The following ROR2 variants were observed in gnomAD, a reference collection of about 807,000 sequenced individuals.
ROR2 encodes tyrosine-protein kinase transmembrane receptor ROR2.
Under a neutral mutation model 74.9 loss-of-function variants are expected in ROR2, and 33 were observed. That is an observed-to-expected ratio of 0.44 (90% confidence interval 0.33 to 0.59). ROR2 has a LOEUF of 0.59. Among genes scored for constraint, ROR2 ranks in the 20% least tolerant of loss-of-function variants. The probability of loss-of-function intolerance (pLI) is 0.02; values close to 1 mark genes in which losing one functional copy is unlikely to be tolerated. For missense variants in ROR2, 1,216 were observed against 1,313.8 expected (o/e 0.93, Z 1.15); for synonymous variants, 586 against 558.7 (o/e 1.05, Z -0.69).
intron 2 of ROR2, among the ~76,000 whole-genome samples, chr9:91,759,741 C>G (rs1825857041): frequency 6.6e-6 from 1 of 152,124 alleles, no homozygotes; most frequent in African/African-American, 2.4e-5. Flanking sequence ...AGCAGCTATA[C>G]CTGGGAAGGT....
intron 1 of ROR2, among the ~76,000 whole-genome samples, chr9:91,848,782 A>AG (rs1463019537): frequency 5.3e-5 from 8 of 150,710 alleles, no homozygotes; most frequent in African/African-American, 2.0e-4. Flanking sequence ...AAAAAAAAAA[A>AG]AAAACAGTTG....
chr9:91,829,168 C>T (rs532461326), intron 1 of ROR2, among the ~76,000 whole-genome samples: 21 of 152,200 alleles, frequency 1.4e-4, no homozygotes, highest in South Asian at 4.1e-4. Context: ...CAGTCGCTTC[C>T]GCGGAGTGCA....
intron 1 of ROR2, among the ~76,000 whole-genome samples, chr9:91,898,919 G>A (rs1830604177): frequency 6.6e-6 from 1 of 152,216 alleles, no homozygotes; most frequent in African/African-American, 2.4e-5. Flanking sequence ...GAAACTGGAA[G>A]AAGCCTCAGA....
intron 1 of ROR2, among the ~76,000 whole-genome samples, chr9:91,839,690 T>G (rs567618771): frequency 5.3e-5 from 8 of 150,674 alleles, no homozygotes; most frequent in African/African-American, 9.8e-5. Context: ...TGTGGGTGTG[T>G]GTGTGTTGTA....
chr9:91,879,740 T>A (rs1250548196), intron 1 of ROR2, among the ~76,000 whole-genome samples: 1 of 151,966 alleles, frequency 6.6e-6, no homozygotes, highest in Admixed American at 6.6e-5. Flanking sequence ...GCCCAGGGTC[T>A]AACCAAAGTC....
chr9:91,879,023 CAG>C (rs1830031560), intron 1 of ROR2, among the ~76,000 whole-genome samples: 1 of 150,878 alleles, frequency 6.6e-6, no homozygotes, highest in Non-Finnish European at 1.5e-5. Flanking sequence ...GCCTGGGCGA[CAG>C]AGCGAGACTC....
chr9:91,949,416 T>TG (rs1251151308), intron 1 of ROR2, among the ~76,000 whole-genome samples: 2 of 148,132 alleles, frequency 1.4e-5, no homozygotes, highest in East Asian at 4.1e-4. Flanking sequence ...GCCCTGGGGG[T>TG]GGGGGGACGC....
intron 1 of ROR2, among the ~76,000 whole-genome samples, chr9:91,805,694 T>A (rs1033159873): frequency 1.3e-5 from 2 of 152,124 alleles, no homozygotes; most frequent in Non-Finnish European, 2.9e-5. Context: ...CACACAAGTA[T>A]GAACATACGT....
At chr9:91,790,362 T>C (rs1482772403) in intron 1 of ROR2, among the ~76,000 whole-genome samples, 1 of 151,374 alleles carries the variant, frequency 6.6e-6, no homozygotes. Context: ...ATACAAAAAT[T>C]AGCTGGGTGT....
At position 91,877,876 on chromosome 9, in the gene ROR2, T is replaced by A. The variant is rs181271999; in HGVS notation, c.97+71991A>T. Among the ~76,000 whole-genome samples, 209 of 152,284 alleles carry A rather than the reference T, an allele frequency of 1.4e-3. 1 individual carries two copies. The highest frequency in any genetic ancestry group is 5.0e-3 in the Admixed American group (76 of 15,298). On this transcript the variant is annotated intron_variant, in intron 1 of 8. Transcript: ENST00000375708. ...TAATTAGATTACATTTGCAAACAGT[T>A]CCAGAGTTCCCCAGGGAGAAGGGTT...
intron 1 of ROR2, among the ~76,000 whole-genome samples, chr9:91,842,198 G>T (rs1036447446): frequency 1.3e-5 from 2 of 152,196 alleles, no homozygotes; most frequent in African/African-American, 4.8e-5. Context: ...GTATCTTCAA[G>T]AAATGGACAG....
intron 1 of ROR2, among the ~76,000 whole-genome samples, chr9:91,948,327 C>A (rs779940048): frequency 1.3e-5 from 2 of 152,194 alleles, no homozygotes; most frequent in Non-Finnish European, 2.9e-5. Context: ...GTTTAAGCCG[C>A]CTCCCCGCCA....
intron 2 of ROR2, among the ~76,000 whole-genome samples, chr9:91,770,406 G>A (rs1826191166): frequency 6.6e-6 from 1 of 152,208 alleles, no homozygotes; most frequent in African/African-American, 2.4e-5. Flanking sequence ...ACTCGGTATG[G>A]GCGGGGGCAG....
chr9:91,814,703 T>C (rs1401270554), intron 1 of ROR2, among the ~76,000 whole-genome samples: 1 of 152,220 alleles, frequency 6.6e-6, no homozygotes, highest in African/African-American at 2.4e-5. Context: ...TCCTAATTTC[T>C]TCTCTGTAAG....
At chr9:91,943,200 A>G (rs1449101710) in intron 1 of ROR2, among the ~76,000 whole-genome samples, 1 of 151,918 alleles carries the variant, frequency 6.6e-6, no homozygotes, top group African/African-American at 2.4e-5. Flanking sequence ...CTTATTGTGT[A>G]TTTTTCCCTG....
At chr9:91,751,088 C>CG (rs1463860344) in intron 4 of ROR2, among the ~76,000 whole-genome samples, 5 of 152,104 alleles carry the variant, frequency 3.3e-5, no homozygotes, top group African/African-American at 1.2e-4. Flanking sequence ...GATGCACACC[C>CG]GTAATCCTGC....
At chr9:91,777,763 T>C (rs1159156744) in intron 1 of ROR2, among the ~76,000 whole-genome samples, 2 of 152,196 alleles carry the variant, frequency 1.3e-5, no homozygotes, top group East Asian at 1.9e-4. Context: ...GATTTACCTA[T>C]TCTGGACATT....
At chr9:91,788,531 T>C (rs1002980447) in intron 1 of ROR2, among the ~76,000 whole-genome samples, 1 of 150,088 alleles carries the variant, frequency 6.7e-6, no homozygotes, top group Non-Finnish European at 1.5e-5. Context: ...AACACAATCA[T>C]AGTGTTGGGG....
intron 1 of ROR2, among the ~76,000 whole-genome samples, chr9:91,802,911 A>G (rs1827437188): frequency 6.6e-6 from 1 of 152,210 alleles, no homozygotes. Context: ...CAAAGAAGAC[A>G]TGTATATGGC....
Sources: gnomAD v4.1 joint callset for allele counts (sites outside exome capture counted in the v4.1 genomes callset) on GRCh38, gnomAD v4.1.1 for gene constraint, MANE v1.5 for transcripts, NCBI Gene and HGNC (gene_info 2026-07-23, HGNC 2026-07-21) for gene names.